CHLSN: variants seen among roughly 807,000 people sequenced by gnomAD.
The protein encoded by CHLSN is cholesin.
At chr7:1,028,247 CG>C in the CHLSN span, 1 of 1,096,090 alleles carries the variant, frequency 9.1e-7, no homozygotes, top group East Asian at 1.0e-4. Context: ...GCCCTGGCCC[CG>C]CGCACTGACC....
the CHLSN span, among the ~76,000 whole-genome samples, chr7:1,006,937 C>T: frequency 2.0e-5 from 3 of 152,174 alleles, no homozygotes; most frequent in Non-Finnish European, 4.4e-5. Context: ...CCTTGAGATG[C>T]AAGAACAGCC....
chr7:992,613 C>G, the CHLSN span, among the ~76,000 whole-genome samples: 2 of 152,280 alleles, frequency 1.3e-5, no homozygotes, highest in South Asian at 2.1e-4. Flanking sequence ...AAGCTCCTCC[C>G]TCGGAGTGGG....
chr7:1,123,044 G>A, the CHLSN span, among the ~76,000 whole-genome samples: 1 of 152,208 alleles, frequency 6.6e-6, no homozygotes, highest in African/African-American at 2.4e-5. This position sits in a 1 kb window ranked among gnomAD's most constrained non-coding sequence, Gnocchi z 4.4. Flanking sequence ...GGGCCCTCCG[G>A]GATGGGGAGC....
chr7:996,194 G>A, the CHLSN span, among the ~76,000 whole-genome samples: 1 of 152,212 alleles, frequency 6.6e-6, no homozygotes, highest in Non-Finnish European at 1.5e-5. Flanking sequence ...AGTGGCCACG[G>A]GAAGCCCCAG....
At chr7:1,041,434 G>C in the CHLSN span, among the ~76,000 whole-genome samples, 1 of 148,404 alleles carries the variant, frequency 6.7e-6, no homozygotes, top group Non-Finnish European at 1.5e-5. Flanking sequence ...CCGCGCTGCG[G>C]GGAAGGGGAC....
the CHLSN span, among the ~76,000 whole-genome samples, chr7:1,007,372 G>A: frequency 2.0e-5 from 3 of 152,250 alleles, no homozygotes; most frequent in Admixed American, 1.3e-4. Context: ...CTGGGCTGGG[G>A]GCTCTGTGGT....
chr7:1,072,676 CTTTTTTTTTTTT>C, the CHLSN span, among the ~76,000 whole-genome samples: 1 of 110,316 alleles, frequency 9.1e-6, no homozygotes, highest in Non-Finnish European at 1.8e-5. Flanking sequence ...CTTTTCTTTC[CTTTTTTTTTTTT>C]TTTTTTTTTT....
chr7:1,000,687 A>G, the CHLSN span: 6 of 693,178 alleles, frequency 8.7e-6, no homozygotes, highest in Non-Finnish European at 1.4e-5. Context: ...CCTCATGTGA[A>G]GAGGGTTTTT....
the CHLSN span, among the ~76,000 whole-genome samples, chr7:1,041,139 G>A: frequency 6.6e-6 from 1 of 150,932 alleles, no homozygotes. Context: ...GACTGCAGGA[G>A]GGAGGGAGGC....
At chr7:985,170 G>A in the CHLSN span, 3 of 1,580,468 alleles carry the variant, frequency 1.9e-6, no homozygotes, top group Non-Finnish European at 2.6e-6. Flanking sequence ...TCGCAGGCCG[G>A]CCCTTCCCGC....
chr7:1,127,381 G>A, the CHLSN span: 1 of 1,604,064 alleles, frequency 6.2e-7, no homozygotes, highest in Non-Finnish European at 8.5e-7. Flanking sequence ...CTTCTGTTTT[G>A]CCATCCTGCA....
chr7:1,119,792 G>A, the CHLSN span, among the ~76,000 whole-genome samples: 14 of 151,646 alleles, frequency 9.2e-5, no homozygotes, highest in African/African-American at 2.4e-4. Context: ...GAGGAGAATC[G>A]CTTGAACCCG....
chr7:1,043,660 C>G, the CHLSN span: 12 of 152,446 alleles, frequency 7.9e-5, no homozygotes, highest in African/African-American at 2.6e-4. Context: ...TGGTGAGCCT[C>G]TCCCTGCCCT....
At chr7:1,014,831 T>C in the CHLSN span, among the ~76,000 whole-genome samples, 3 of 129,454 alleles carry the variant, frequency 2.3e-5, no homozygotes, top group African/African-American at 1.0e-4. Context: ...TTCCGGTTGG[T>C]GTCACCCTGT....
At chr7:1,084,928 G>A in the CHLSN span, among the ~76,000 whole-genome samples, 1 of 152,240 alleles carries the variant, frequency 6.6e-6, no homozygotes, top group East Asian at 1.9e-4. Flanking sequence ...GACTGGGGAT[G>A]GGACAGGGAG....
At chr7:1,049,741 C>T in the CHLSN span, among the ~76,000 whole-genome samples, 3 of 152,154 alleles carry the variant, frequency 2.0e-5, no homozygotes, top group Non-Finnish European at 2.9e-5. Flanking sequence ...GTCAAGGCAG[C>T]GGCTGGAATC....
the CHLSN span, chr7:986,741 G>A: frequency 7.5e-6 from 12 of 1,608,598 alleles, no homozygotes; most frequent in Admixed American, 1.7e-5. Flanking sequence ...GAGGCCCCAC[G>A]TGTGCCCGGG....
At chr7:984,636 G>A in the CHLSN span, 1 of 1,507,708 alleles carries the variant, frequency 6.6e-7, no homozygotes, top group Non-Finnish European at 8.8e-7. Context: ...CCCCAGGAGG[G>A]GTGGGGGCTC....
chr7:1,134,398 AC>A, the CHLSN span, among the ~76,000 whole-genome samples: 1 of 147,456 alleles, frequency 6.8e-6, no homozygotes, highest in East Asian at 2.0e-4. Context: ...ATATGGTGAA[AC>A]CCCATCTCTA....
Sources: gnomAD v4.1 joint callset for allele counts (sites outside exome capture counted in the v4.1 genomes callset) on GRCh38, gnomAD v4.1.1 for gene constraint, Gnocchi (gnomAD v3.1) non-coding constraint, MANE v1.5 for transcripts, NCBI Gene and HGNC (gene_info 2026-07-23, HGNC 2026-07-21) for gene names.